SEMA4D: variants seen among roughly 807,000 people sequenced by gnomAD.
SEMA4D encodes the protein semaphorin 4D.
In SEMA4D, 22 loss-of-function variants were observed where a neutral mutation model predicts 74.8. The observed-to-expected ratio is 0.29, with a 90% CI of 0.21 to 0.42. The LOEUF (loss-of-function observed/expected upper bound fraction) is 0.42, where lower values mean the gene tolerates loss of function less well. Ranked by LOEUF, SEMA4D falls within the 10% of genes least tolerant of loss-of-function variation. The pLI is 1.00. For synonymous variants in SEMA4D, 445 were observed against 463.7 expected (o/e 0.96, Z 0.52); for missense variants, 937 against 1,118.4 (o/e 0.84, Z 2.31).
intron 15 of SEMA4D, 86 bp downstream of exon 15, chr9:89,380,969 A>G: frequency 6.6e-7 from 1 of 1,506,816 alleles, no homozygotes; most frequent in Non-Finnish European, 9.2e-7. Flanking sequence ...CAAAACACAC[A>G]CAAATGCCAC....
intron 2 of SEMA4D, among the ~76,000 whole-genome samples, chr9:89,424,929 C>T (rs1847795143): frequency 6.6e-6 from 1 of 152,062 alleles, no homozygotes; most frequent in South Asian, 2.1e-4. Context: ...CCAAAGCCTC[C>T]TGTTTCTCTC....
chr9:89,386,111 C>T (rs1564564583), intron 13 of SEMA4D: 2 of 982,846 alleles, frequency 2.0e-6, no homozygotes, highest in Non-Finnish European at 2.4e-6. Context: ...TAAAGCTGCA[C>T]CAACAACTCA....
intron 2 of SEMA4D, among the ~76,000 whole-genome samples, chr9:89,438,162 GAA>G (rs1850877650): frequency 6.6e-6 from 1 of 152,366 alleles, no homozygotes; most frequent in African/African-American, 2.4e-5. Context: ...GCACTGTAGA[GAA>G]TACTCAAGCC....
At chr9:89,396,596 G>A (rs1488850984) in intron 6 of SEMA4D, 141 bp downstream of exon 6, 2 of 712,330 alleles carry the variant, frequency 2.8e-6, no homozygotes, top group Admixed American at 2.5e-5. Flanking sequence ...GCCACAAGCT[G>A]CCCCCGTTTT....
chr9:89,384,823 T>C, intron 13 of SEMA4D: 1 of 985,294 alleles, frequency 1.0e-6, no homozygotes, highest in Non-Finnish European at 1.2e-6. Flanking sequence ...GCACAGTCTT[T>C]TTACCACTGA....
chr9:89,384,746 G>A, intron 13 of SEMA4D: 1 of 985,436 alleles, frequency 1.0e-6, no homozygotes, highest in Non-Finnish European at 1.2e-6. Context: ...TAGGACAGGG[G>A]GAGGGCGTGG....
At chr9:89,417,982 G>T in intron 2 of SEMA4D, 1 of 568,908 alleles carries the variant, frequency 1.8e-6, no homozygotes, top group Non-Finnish European at 2.2e-6. Flanking sequence ...CCACCTGCCA[G>T]ATCCAACTGA....
rs142593865 is a variant in SEMA4D at position 89,384,272 on chromosome 9, C to A, written c.1446+2095G>T. Among the ~76,000 whole-genome samples the A allele has an allele frequency of 5.3e-5, 8 of 152,264 alleles. No individual in the cohort carries two copies. In the East Asian group the frequency reaches 7.7e-4, roughly 15 times the overall value. On this transcript the variant is annotated intron_variant, in intron 13 of 15. Coordinates refer to ENST00000422704, the MANE Select transcript of SEMA4D (RefSeq NM_001371194.2). ...AAGGGATGAACGCACACACAAAATG[C>A]GGGACTCACAAAATGCGGTATTCAC...
At position 89,439,933 on chromosome 9, in the gene SEMA4D, G is replaced by GTA. The variant is rs545946024; in HGVS notation, c.-244+15954_-244+15955insTA. Among the ~76,000 whole-genome samples the GTA allele has an allele frequency of 1.2e-4, 18 of 152,272 alleles. No individual in the cohort carries two copies. The South Asian group carries it at 3.7e-3, about 32-fold the overall frequency. ...TTCACTTACTTTAGCCCACAAACAT[G>GTA]CCATATAGTCATTCTACATTGGCAC... is the stretch of plus-strand genomic sequence containing the variant. On this transcript the variant is annotated intron_variant, in intron 2 of 15. Transcript: ENST00000422704.
At chr9:89,392,192 G>A (rs1023246153) in intron 8 of SEMA4D, among the ~76,000 whole-genome samples, 3 of 152,102 alleles carry the variant, frequency 2.0e-5, no homozygotes, top group Non-Finnish European at 2.9e-5. Flanking sequence ...CCATTTTTGG[G>A]GGGTTAGTGG....
downstream of SEMA4D, among the ~76,000 whole-genome samples, chr9:89,374,252 C>T (rs1835493192): frequency 6.6e-6 from 1 of 152,242 alleles, no homozygotes; most frequent in Non-Finnish European, 1.5e-5. Flanking sequence ...CCTCAGCTCC[C>T]CTACCCTCTA....
intron 13 of SEMA4D, chr9:89,384,821 T>A: frequency 1.0e-6 from 1 of 985,352 alleles, no homozygotes; most frequent in Non-Finnish European, 1.2e-6. Context: ...CGGCACAGTC[T>A]TTTTACCACT....
rs931255841 is a variant in SEMA4D at position 89,387,691 on chromosome 9, G to C, written c.1108-83C>G. The C allele has an allele frequency of 4.1e-6, 5 of 1,217,644 alleles. No individual in the cohort carries two copies. The African/African-American group carries it at 7.5e-5, about 18-fold the overall frequency. 75.4% of individuals were successfully genotyped at this position (1,217,644 alleles called of 1,614,324 possible). Reference sequence around the variant, plus strand: ...TTCCACACAAGCAGCCAACGCAGGGGGGGCTGCAAAACCTGGAAACCACAC... The same window carrying C: ...TTCCACACAAGCAGCCAACGCAGGGCGGGCTGCAAAACCTGGAAACCACAC... On this transcript the variant is annotated intron_variant, in intron 11 of 15. Transcript: ENST00000422704.
downstream of SEMA4D, among the ~76,000 whole-genome samples, chr9:89,372,357 T>TGTGTCTGGGATGTG (rs1434046901): frequency 8.7e-5 from 10 of 114,878 alleles, no homozygotes; most frequent in Non-Finnish European, 1.3e-4. Flanking sequence ...TGGTGTGGTG[T>TGTGTCTGGGATGTG]GTGTCTGGGA....
At chr9:89,402,454 T>C (rs1011487138) in intron 4 of SEMA4D, among the ~76,000 whole-genome samples, 3 of 152,028 alleles carry the variant, frequency 2.0e-5, no homozygotes, top group African/African-American at 4.8e-5. Context: ...ATGATATAAA[T>C]TTTGGAGAAG....
chr9:89,481,395 A>G (rs1239915153), intron 1 of SEMA4D, among the ~76,000 whole-genome samples: 1 of 152,208 alleles, frequency 6.6e-6, no homozygotes, highest in African/African-American at 2.4e-5. Context: ...GAGGTCTGAG[A>G]CAAAATTAAA....
intron 1 of SEMA4D, among the ~76,000 whole-genome samples, chr9:89,457,950 T>A (rs1018013016): frequency 6.6e-6 from 1 of 152,028 alleles, no homozygotes; most frequent in African/African-American, 2.4e-5. Context: ...GGAGAATCAC[T>A]AGAACCCAGG....
intron 2 of SEMA4D, among the ~76,000 whole-genome samples, chr9:89,437,293 G>T (rs902878642): frequency 5.3e-5 from 8 of 152,212 alleles, no homozygotes; most frequent in Non-Finnish European, 1.2e-4. Flanking sequence ...TGCAGGCCAG[G>T]TTTTCCTCCC....
chr9:89,449,856 C>T, intron 2 of SEMA4D: 1 of 1,494,930 alleles, frequency 6.7e-7, no homozygotes, highest in East Asian at 2.3e-5. Context: ...GGATTATATT[C>T]TCAAGGAAGG....
Sources: gnomAD v4.1 joint callset for allele counts (sites outside exome capture counted in the v4.1 genomes callset) on GRCh38, gnomAD v4.1.1 for gene constraint, MANE v1.5 for transcripts, NCBI Gene and HGNC (gene_info 2026-07-23, HGNC 2026-07-21) for gene names.